The following KLHDC4 variants were observed in gnomAD, a reference collection of about 807,000 sequenced individuals.
KLHDC4 encodes kelch domain containing 4.
Under a neutral mutation model 62.4 loss-of-function variants are expected in KLHDC4, and 90 were observed. That is an observed-to-expected ratio of 1.44 (90% confidence interval 1.22 to 1.72). KLHDC4 has a LOEUF of 1.72. Ranked by LOEUF, KLHDC4 falls within the 40% of genes most tolerant of loss-of-function variation. The pLI is 0.00. For synonymous variants in KLHDC4, 386 were observed against 284.4 expected, an observed-to-expected ratio of 1.36 and a Z score of -3.59; for missense variants, 1,025 against 699.7, an observed-to-expected ratio of 1.47 and a Z score of -5.25.
chr16:87,737,734 C>A (rs186364646), intron 5 of KLHDC4, among the ~76,000 whole-genome samples: 2 of 152,092 alleles, frequency 1.3e-5, no homozygotes, highest in East Asian at 3.9e-4. Flanking sequence ...ATTACAGGTG[C>A]CCACCATCAT....
At chr16:87,732,097 C>CT (rs61370494) in intron 5 of KLHDC4, among the ~76,000 whole-genome samples, 50,815 of 132,066 alleles carry the variant, frequency 0.38, 10,350 homozygotes, top group Middle Eastern at 0.52. Context: ...GTGCATATTT[C>CT]TTTTTTTTTT....
intron 4 of KLHDC4, among the ~76,000 whole-genome samples, chr16:87,752,263 G>C (rs1311448030): frequency 2.0e-5 from 3 of 146,546 alleles, no homozygotes; most frequent in Non-Finnish European, 1.5e-5. Flanking sequence ...AAAAAAAAAA[G>C]ACCAAAAAGA....
At chr16:87,701,762 C>A (rs1202919476) in exon 1 of KLHDC4, 2 of 456,818 alleles carry the variant, frequency 4.4e-6, no homozygotes, top group South Asian at 1.5e-5. Flanking sequence ...TCCTCCCAAG[C>A]GTGCACACCC....
chr16:87,755,429 A>T, intron 3 of KLHDC4, 137 bp from the exon 4 acceptor site: 44 of 504,568 alleles, frequency 8.7e-5, no homozygotes, highest in Non-Finnish European at 1.1e-4. Flanking sequence ...CAGGGAGGCC[A>T]TGGGCTGGGT....
chr16:87,764,542 G>C (rs1597447680), intron 1 of KLHDC4, among the ~76,000 whole-genome samples: 1 of 149,722 alleles, frequency 6.7e-6, no homozygotes, highest in African/African-American at 2.5e-5. Context: ...TCAGCTACTT[G>C]GGAGGCTGAG....
intron 10 of KLHDC4, among the ~76,000 whole-genome samples, 177 bp downstream of exon 10, chr16:87,709,088 C>A (rs969412595): frequency 6.6e-6 from 1 of 152,276 alleles, no homozygotes; most frequent in Admixed American, 6.5e-5. Flanking sequence ...GGGTGGGCCC[C>A]CCTTTCCACA....
chr16:87,705,905 A>C (rs976446050), downstream of KLHDC4, among the ~76,000 whole-genome samples: 1 of 152,208 alleles, frequency 6.6e-6, no homozygotes, highest in Non-Finnish European at 1.5e-5. Context: ...ATTGCCCAGC[A>C]CTCAGACAAA....
intron 5 of KLHDC4, among the ~76,000 whole-genome samples, chr16:87,747,110 G>A (rs1421259515): frequency 6.6e-6 from 1 of 152,228 alleles, no homozygotes; most frequent in Non-Finnish European, 1.5e-5. Context: ...CCGAGTGACA[G>A]AACCAGCAAA....
chr16:87,705,671 T>C (rs973721579), downstream of KLHDC4, among the ~76,000 whole-genome samples: 23 of 152,332 alleles, frequency 1.5e-4, no homozygotes, highest in East Asian at 7.7e-4. Flanking sequence ...GACAACTACA[T>C]TGAAAGCCAA....
At chr16:87,750,084 G>A (rs1038588207) in intron 4 of KLHDC4, among the ~76,000 whole-genome samples, 12 of 152,278 alleles carry the variant, frequency 7.9e-5, no homozygotes, top group African/African-American at 2.9e-4. Context: ...GGCCCTCCGT[G>A]GCCCACTCCC....
At chr16:87,705,947 C>T (rs144896073), downstream of KLHDC4, among the ~76,000 whole-genome samples, 14 of 152,334 alleles carry the variant, frequency 9.2e-5, no homozygotes, top group African/African-American at 2.4e-4. Context: ...GCCGGCGCAA[C>T]GCAACACAAG....
chr16:87,755,306 G>T lies in KLHDC4; in HGVS notation c.271-14C>A. ...ATACAAAAAAGTCTACAGGAAGGAA[G>T]AAGAATGTCAGTGTCACAAATGATA... On this transcript the variant is annotated splice_polypyrimidine_tract_variant and intron_variant, in intron 3 of 11. Coordinates refer to ENST00000270583, the MANE Select transcript of KLHDC4 (RefSeq NM_017566.4). The T allele has an allele frequency of 7.1e-7, 1 of 1,417,072 alleles. No individual in the cohort carries two copies. The highest frequency in any genetic ancestry group is 1.0e-6 in the Non-Finnish European group (1 of 1,001,990). The allele number at this position is 1,417,072 out of a possible 1,614,324, so 87.8% of individuals were successfully genotyped here. A position where few individuals can be genotyped will look rare whatever the true frequency, so the allele number is the denominator to read the frequency against.
intron 7 of KLHDC4, among the ~76,000 whole-genome samples, chr16:87,721,414 T>TA (rs1176744434): frequency 0.041 from 3,232 of 78,868 alleles, 171 homozygotes; most frequent in African/African-American, 0.11. Context: ...ACTCTGTCTC[T>TA]AAAAAAAAAA....
At chr16:87,720,908 C>G (rs2038169424) in intron 7 of KLHDC4, among the ~76,000 whole-genome samples, 1 of 152,228 alleles carries the variant, frequency 6.6e-6, no homozygotes, top group African/African-American at 2.4e-5. Context: ...CCTCTCCAGT[C>G]ACTCAGTCCT....
chr16:87,706,512 A>G (rs111288753), downstream of KLHDC4, among the ~76,000 whole-genome samples: 2,626 of 152,304 alleles, frequency 0.017, 49 homozygotes, highest in African/African-American at 0.035. Context: ...CACTCCTGTC[A>G]GCACTGCCAC....
chr16:87,745,700 G>A (rs1354508451), intron 5 of KLHDC4, among the ~76,000 whole-genome samples: 7 of 152,226 alleles, frequency 4.6e-5, no homozygotes, highest in Non-Finnish European at 1.0e-4. Flanking sequence ...CAGGGTGGGA[G>A]AGGGCAGGCT....
At chr16:87,760,418 C>T (rs946103918) in intron 2 of KLHDC4, among the ~76,000 whole-genome samples, 2 of 150,232 alleles carry the variant, frequency 1.3e-5, no homozygotes, top group African/African-American at 4.9e-5. Context: ...CCATCCTGGC[C>T]AACATGGTGA....
upstream of KLHDC4, chr16:87,702,711 A>T (rs1466976218): frequency 1.4e-5 from 3 of 213,944 alleles, no homozygotes; most frequent in African/African-American, 2.3e-5. Context: ...CTGCCAAAGC[A>T]ACTGAGCCTG....
chr16:87,713,369 G>GTT (rs113196529), intron 8 of KLHDC4, among the ~76,000 whole-genome samples: 1 of 148,718 alleles, frequency 6.7e-6, no homozygotes, highest in African/African-American at 2.5e-5. Context: ...ACCTGGCTAC[G>GTT]TTTTTTTTTT....
Sources: gnomAD v4.1 joint callset for allele counts (sites outside exome capture counted in the v4.1 genomes callset) on GRCh38, gnomAD v4.1.1 for gene constraint, MANE v1.5 for transcripts, NCBI Gene and HGNC (gene_info 2026-07-23, HGNC 2026-07-21) for gene names.